Variants in ZNF589 observed in about 807,000 individuals in gnomAD.
The protein encoded by ZNF589 is zinc finger protein 589, also known as KRAB-zinc finger protein SZF1-1.
ZNF589 carries 17 observed loss-of-function variants against 13.6 expected under a neutral mutation model. The observed-to-expected ratio is 1.25, with a 90% CI of 0.86 to 1.88. ZNF589 has a LOEUF of 1.88. Among genes scored for constraint, ZNF589 ranks in the 40% most tolerant of loss-of-function variants. The pLI, the probability that ZNF589 is intolerant of heterozygous loss-of-function variation, is 0.00. For missense variants in ZNF589, 407 were observed against 434.0 expected (o/e 0.94, Z 0.55); for synonymous variants, 148 against 161.6 (o/e 0.92, Z 0.64).
At chr3:48,256,869 C>T in intron 2 of ZNF589, 1 of 1,023,922 alleles carries the variant, frequency 9.8e-7, no homozygotes, top group Non-Finnish European at 1.5e-6. Context: ...CAGCTGGTCA[C>T]TGCTGGGCCT....
rs549667963 is a variant in ZNF589, at chr3:48,265,432, C to T, written c.224-2483C>T. ...CTCCTGAGTAGCTGGGATTACAGGC[C>T]GGCGCCACCATGACCGATTAATTTT... On this transcript the variant is annotated intron_variant, in intron 3 of 3. Transcript: ENST00000354698. Among the ~76,000 whole-genome samples the T allele has an allele frequency of 7.3e-5, 11 of 151,112 alleles. No homozygotes were observed. The East Asian group carries it at 9.7e-4, about 13-fold the overall frequency.
chr3:48,269,500 G>T lies in ZNF589; in HGVS notation c.*714G>T. On this transcript the variant is annotated 3_prime_UTR_variant, in exon 4 of 4. Transcript: ENST00000354698. Reference sequence around the variant, plus strand: ...GGAAGATACTCCTCAACAGACACTGGAGGACACACACAGGAGAGAAACCTT... The same window carrying T: ...GGAAGATACTCCTCAACAGACACTGTAGGACACACACAGGAGAGAAACCTT... The T allele has an allele frequency of 2.5e-6, 1 of 400,766 alleles. No homozygotes were observed. The highest frequency in any genetic ancestry group is 4.8e-6 in the Non-Finnish European group (1 of 207,010). The allele number at this position is 400,766 out of a possible 1,614,324, so 24.8% of individuals were successfully genotyped here.
intron 2 of ZNF589, among the ~76,000 whole-genome samples, chr3:48,254,005 A>G (rs1015712428): frequency 6.6e-6 from 1 of 152,020 alleles, no homozygotes; most frequent in Admixed American, 6.6e-5. Context: ...TGGGAGGATC[A>G]CTTGAGCTCA....
At chr3:48,259,843 C>T (rs1340444315) in intron 2 of ZNF589, among the ~76,000 whole-genome samples, 4 of 150,586 alleles carry the variant, frequency 2.7e-5, no homozygotes, top group African/African-American at 9.8e-5. Context: ...TGCTTGAACC[C>T]GGTAGGCAGG....
At chr3:48,247,215 C>A (rs1164352459) in intron 1 of ZNF589, among the ~76,000 whole-genome samples, 1 of 151,906 alleles carries the variant, frequency 6.6e-6, no homozygotes, top group Non-Finnish European at 1.5e-5. Flanking sequence ...CTCAAGTCAT[C>A]TGCCTGCCTC....
intron 1 of ZNF589, among the ~76,000 whole-genome samples, chr3:48,242,601 G>A (rs2033710999): frequency 6.6e-6 from 1 of 152,102 alleles, no homozygotes; most frequent in African/African-American, 2.4e-5. Context: ...ACTGCACCTG[G>A]TCTTGCAAAC....
chr3:48,246,212 T>C (rs181994317), intron 1 of ZNF589, among the ~76,000 whole-genome samples: 2 of 151,836 alleles, frequency 1.3e-5, no homozygotes, highest in African/African-American at 4.8e-5. Context: ...GAAGTTGAGG[T>C]GGGAGGATCA....
intron 1 of ZNF589, among the ~76,000 whole-genome samples, chr3:48,246,114 A>C (rs1180313420): frequency 6.6e-6 from 1 of 152,080 alleles, no homozygotes; most frequent in African/African-American, 2.4e-5. Context: ...GGAGTTCGAG[A>C]CCAGCCTAGC....
chr3:48,243,700 A>G (rs576856927), intron 1 of ZNF589, among the ~76,000 whole-genome samples: 70 of 151,630 alleles, frequency 4.6e-4, no homozygotes, highest in Non-Finnish European at 9.7e-4. Context: ...AATCCCAGCT[A>G]CTCAGAAGGC....
chr3:48,267,228 A>C (rs761672138), intron 3 of ZNF589, among the ~76,000 whole-genome samples: 5 of 152,190 alleles, frequency 3.3e-5, no homozygotes, highest in Non-Finnish European at 5.9e-5. Context: ...ACAAGTCGGC[A>C]AATACAGTAA....
intron 1 of ZNF589, among the ~76,000 whole-genome samples, chr3:48,244,167 G>A (rs976951379): frequency 6.6e-6 from 1 of 152,152 alleles, no homozygotes; most frequent in African/African-American, 2.4e-5. Context: ...CACCTGCTCA[G>A]TGGGATCAGA....
rs138742019 is a variant in ZNF589 at position 48,259,697 on chromosome 3, G to C, written c.97-1116G>C. Among the ~76,000 whole-genome samples, 145 of 152,190 alleles carry C rather than the reference G, an allele frequency of 9.5e-4. 1 individual carries two copies. In the East Asian group the frequency reaches 0.026, roughly 27 times the overall value. On this transcript the variant is annotated intron_variant, in intron 2 of 3. Coordinates refer to ENST00000354698, the MANE Select transcript of ZNF589 (RefSeq NM_016089.3). Reference sequence around the variant, plus strand: ...AGTCCGAGGCCGGCAGATCACTTGAGGTCGGGAATTGGAGACTAGCCTGGC... The same window carrying C: ...AGTCCGAGGCCGGCAGATCACTTGACGTCGGGAATTGGAGACTAGCCTGGC...
At chr3:48,259,134 A>C (rs1053030012) in intron 2 of ZNF589, among the ~76,000 whole-genome samples, 1 of 152,172 alleles carries the variant, frequency 6.6e-6, no homozygotes, top group South Asian at 2.1e-4. Context: ...TTGGCTGCCT[A>C]ATCCTGGGTC....
intron 2 of ZNF589, among the ~76,000 whole-genome samples, chr3:48,249,213 CT>C (rs1345052298): frequency 1.3e-5 from 2 of 152,040 alleles, no homozygotes; most frequent in Non-Finnish European, 2.9e-5. Context: ...AGCGATTCTC[CT>C]GCCTCAGCCT....
rs765766945 is a variant in ZNF589, at chr3:48,267,400, A to AT, written c.224-500dup. The stretch of plus-strand genomic sequence containing the variant: ...CCTTGCCTAACTAATAAATAGAAGA[A>AT]TTTTTTTTTTTTTTTGAGACGGAGT... On this transcript the variant is annotated intron_variant, in intron 3 of 3. Coordinates refer to ENST00000354698, the MANE Select transcript of ZNF589 (RefSeq NM_016089.3). Among the ~76,000 whole-genome samples, 871 of 146,948 alleles carry AT rather than the reference A, an allele frequency of 5.9e-3. 3 individuals carry two copies. The highest frequency in any genetic ancestry group is 0.013 in the African/African-American group (503 of 40,122).
chr3:48,259,075 A>G (rs993041458), intron 2 of ZNF589, among the ~76,000 whole-genome samples: 1 of 152,222 alleles, frequency 6.6e-6, no homozygotes, highest in Admixed American at 6.5e-5. Flanking sequence ...GCAGCAGGTC[A>G]TGGAAAGCAT....
chr3:48,244,700 C>CT (rs879660705), intron 1 of ZNF589, among the ~76,000 whole-genome samples: 23 of 143,322 alleles, frequency 1.6e-4, no homozygotes, highest in South Asian at 2.2e-4. Context: ...CATTTAGGGC[C>CT]TTTTTTTTTT....
chr3:48,269,966 GTC>G lies in ZNF589; in HGVS notation c.*1182_*1183del, dbSNP rs2034071896. 2.2e-6 allele frequency: 1 copy of G among 451,258 alleles called. No homozygotes were observed. The highest frequency in any genetic ancestry group is 4.5e-6 in the Non-Finnish European group (1 of 223,686). The allele number at this position is 451,258 out of a possible 1,614,324, so 28.0% of individuals were successfully genotyped here. A position where few individuals can be genotyped will look rare whatever the true frequency, so the allele number is the denominator to read the frequency against. The stretch of plus-strand genomic sequence containing the variant: ...TCTTGTTCTAAGAGCTTTGGGGACA[GTC>G]TTTTGACCCCTTACATTCCTTTAGA... On this transcript the variant is annotated 3_prime_UTR_variant, in exon 4 of 4. Coordinates refer to ENST00000354698, the MANE Select transcript of ZNF589 (RefSeq NM_016089.3).
chr3:48,264,066 A>C (rs1008485131), intron 3 of ZNF589, among the ~76,000 whole-genome samples: 1 of 152,208 alleles, frequency 6.6e-6, no homozygotes, highest in Non-Finnish European at 1.5e-5. Flanking sequence ...GTACATCATC[A>C]GGAGGGGAGG....
Sources: allele counts gnomAD v4.1 joint callset (sites outside exome capture counted in the v4.1 genomes callset), GRCh38; gene constraint gnomAD v4.1.1; transcripts MANE v1.5; gene names NCBI Gene and HGNC (gene_info 2026-07-23, HGNC 2026-07-21).